Variants in MED13L observed in about 807,000 individuals in gnomAD.
The protein encoded by MED13L is mediator of RNA polymerase II transcription subunit 13-like.
Under a neutral mutation model 220.9 loss-of-function variants are expected in MED13L, and 7 were observed. That is an observed-to-expected ratio of 0.03 (90% CI 0.02 to 0.06). The LOEUF (loss-of-function observed/expected upper bound fraction) is 0.06. MED13L is among the 10% of genes least tolerant of loss of function. MED13L has a pLI of 1.00. For missense variants in MED13L, 1,965 were observed against 2,760.5 expected (o/e 0.71, Z 6.46); for synonymous variants, 1,011 against 1,015.2 (o/e 1.00, Z 0.08).
Position 115,991,025 on chromosome 12 carries a change from C to T in MED13L, c.3929G>A (p.Ser1310Asn), listed in dbSNP as rs772703700. 1.2e-6 allele frequency: 2 copies of T among 1,613,808 alleles called. No individual in the cohort carries two copies. Among genetic ancestry groups the T allele is most frequent in the Admixed American group, 3.3e-5 (2 of 60,026 alleles). ...TTGTGTTCTGGGACACCTACCATTGCTGTGAGGCCAAGAGTGCACAGTGGC... is the reference window on the plus strand; with the variant it reads ...TTGTGTTCTGGGACACCTACCATTGTTGTGAGGCCAAGAGTGCACAGTGGC... ...RSATVHSWPHSNVLDISMLSS... is the reference protein window; with the variant it reads ...RSATVHSWPHNNVLDISMLSS... Residue 1310 changes from serine (S) to asparagine (N), a missense_variant, in exon 17 of 31, where the codon AGC becomes AAC. By Grantham distance (46) the Ser-to-Asn change is conservative (BLOSUM62 1). Transcript: ENST00000281928. This position sits in a 1 kb window ranked among gnomAD's most constrained non-coding sequence, Gnocchi z 7.7.
intron 25 of MED13L, among the ~76,000 whole-genome samples, chr12:115,973,569 C>T (rs889567223): frequency 3.3e-5 from 5 of 152,160 alleles, no homozygotes; most frequent in African/African-American, 1.2e-4. Flanking sequence ...TACCAAGTGA[C>T]TAGACTATTA....
At chr12:116,007,787 T>C (rs1178294806) in intron 10 of MED13L, 151 bp from the exon 11 acceptor site, 3 of 690,354 alleles carry the variant, frequency 4.3e-6, no homozygotes, top group African/African-American at 1.8e-5. Context: ...ATTAGCATAC[T>C]TTGTCAAGAA....
intron 9 of MED13L, among the ~76,000 whole-genome samples, chr12:116,010,691 T>C (rs890023359): frequency 5.9e-5 from 9 of 151,764 alleles, no homozygotes; most frequent in East Asian, 3.9e-4. Context: ...CATGTAGAAA[T>C]AGATCATGAC....
intron 2 of MED13L, among the ~76,000 whole-genome samples, chr12:116,119,419 C>T (rs1009078999): frequency 5.3e-5 from 8 of 152,038 alleles, no homozygotes; most frequent in African/African-American, 1.4e-4. Context: ...AGTTCTGTAG[C>T]GCCGATTGTA....
intron 2 of MED13L, among the ~76,000 whole-genome samples, chr12:116,131,791 C>T (rs1489200088): frequency 6.6e-6 from 1 of 152,106 alleles, no homozygotes; most frequent in African/African-American, 2.4e-5. Flanking sequence ...CCAGCCTGGG[C>T]AACATGGCAA....
intron 4 of MED13L, among the ~76,000 whole-genome samples, chr12:116,092,268 T>C (rs183991650): frequency 8.5e-4 from 129 of 152,328 alleles, no homozygotes; most frequent in Non-Finnish European, 1.3e-3. Flanking sequence ...ACACTTGAAG[T>C]GTCTGCTCAC....
At chr12:116,220,270 TTTAAA>T (rs1883233721) in intron 2 of MED13L, among the ~76,000 whole-genome samples, 1 of 152,230 alleles carries the variant, frequency 6.6e-6, no homozygotes, top group Admixed American at 6.5e-5. Context: ...TGAATTACTA[TTTAAA>T]TTAATATTTA....
At chr12:116,058,404 G>A (rs908061818) in intron 4 of MED13L, among the ~76,000 whole-genome samples, 5 of 151,902 alleles carry the variant, frequency 3.3e-5, no homozygotes, top group Admixed American at 6.6e-5. Context: ...TATTCTGAAG[G>A]TGCCTTTGTA....
chr12:116,011,001 T>C, intron 9 of MED13L, among the ~76,000 whole-genome samples: 1 of 151,710 alleles, frequency 6.6e-6, no homozygotes, highest in Non-Finnish European at 1.5e-5. Flanking sequence ...CTCAGCCTCC[T>C]GAGCAGCTGG....
At chr12:116,035,899 A>G (rs1420130180) in intron 4 of MED13L, among the ~76,000 whole-genome samples, 3 of 152,164 alleles carry the variant, frequency 2.0e-5, no homozygotes, top group Non-Finnish European at 4.4e-5. Context: ...CTAATAGGGA[A>G]AGAAATTTGT....
chr12:116,190,880 T>C (rs1306257430), intron 2 of MED13L, among the ~76,000 whole-genome samples: 1 of 151,814 alleles, frequency 6.6e-6, no homozygotes, highest in African/African-American at 2.4e-5. Context: ...TCACCTGAGG[T>C]CAGAAGTTCG....
At chr12:116,219,580 A>T (rs1037688299) in intron 2 of MED13L, among the ~76,000 whole-genome samples, 10 of 152,200 alleles carry the variant, frequency 6.6e-5, no homozygotes, top group Admixed American at 5.2e-4. Flanking sequence ...AAATCCCTGG[A>T]TCACCATCAA....
rs1433531515 is a variant in MED13L, at chr12:116,009,034, G to A, written c.1379C>T (p.Pro460Leu). 1 of 1,613,976 alleles carries A rather than the reference G, an allele frequency of 6.2e-7. No individual in the cohort carries two copies. Among genetic ancestry groups the A allele is most frequent in the Non-Finnish European group, 8.5e-7 (1 of 1,179,974 alleles). The change falls in exon 10 of 31, where the codon CCA becomes CTA. Residue 460 changes from proline to leucine, a missense_variant. Pro to Leu is a moderately conservative substitution (Grantham distance 98). This residue lies in a region of MED13L where 818 missense variants were observed against 1,041.2 expected (regional missense o/e 0.79). Coordinates refer to ENST00000281928, the MANE Select transcript of MED13L (RefSeq NM_015335.5). ...SAGPSSSSSL[P>L]PPASSKHKTA... ...TTTGTGCTTAGAAGAAGCAGGAGGT[G>A]GTAAAGATGAAGATGATGATGGTCC...
chr12:116,035,587 A>T (rs1446579973), intron 4 of MED13L, among the ~76,000 whole-genome samples: 1 of 151,608 alleles, frequency 6.6e-6, no homozygotes, highest in Non-Finnish European at 1.5e-5. Context: ...TATTCTTATT[A>T]ATTAATTAAT....
chr12:116,220,813 G>T (rs749170917), intron 2 of MED13L, among the ~76,000 whole-genome samples: 9 of 152,074 alleles, frequency 5.9e-5, no homozygotes, highest in Admixed American at 4.6e-4. Context: ...TAAGTTACCA[G>T]GTAAAATTTT....
chr12:116,242,707 T>A (rs1428624716), intron 1 of MED13L, among the ~76,000 whole-genome samples: 1 of 152,228 alleles, frequency 6.6e-6, no homozygotes, highest in Non-Finnish European at 1.5e-5. Flanking sequence ...ACTTCATATA[T>A]AATTTATAAA....
chr12:116,139,594 A>C (rs1348400061), intron 2 of MED13L, among the ~76,000 whole-genome samples: 8 of 152,200 alleles, frequency 5.3e-5, no homozygotes, highest in African/African-American at 1.7e-4. Context: ...ATATTTTCCC[A>C]ATCTGATTTT....
At chr12:115,968,481 G>A (rs1876354916) in intron 28 of MED13L, among the ~76,000 whole-genome samples, 1 of 152,148 alleles carries the variant, frequency 6.6e-6, no homozygotes, top group Admixed American at 6.5e-5. Context: ...ACTAAGCCAG[G>A]ACACGCAAAG....
chr12:116,221,181 T>A (rs1868403995), intron 2 of MED13L, among the ~76,000 whole-genome samples: 1 of 152,012 alleles, frequency 6.6e-6, no homozygotes, highest in Non-Finnish European at 1.5e-5. Flanking sequence ...TCAAGACCAA[T>A]CTGGACAACA....
Sources: gnomAD v4.1 joint callset for allele counts (sites outside exome capture counted in the v4.1 genomes callset) on GRCh38, gnomAD v4.1.1 for gene constraint, gnomAD v4.1.1 regional missense constraint, Gnocchi (gnomAD v3.1) non-coding constraint, MANE v1.5 for transcripts, NCBI Gene and HGNC (gene_info 2026-07-23, HGNC 2026-07-21) for gene names.